Variants in KCNQ1 observed in about 807,000 individuals in gnomAD.
KCNQ1 encodes potassium voltage-gated channel subfamily KQT member 1.
KCNQ1 carries 49 observed loss-of-function variants against 72.4 expected under a neutral mutation model. That is an observed-to-expected ratio of 0.68 (90% CI 0.54 to 0.86). The LOEUF (loss-of-function observed/expected upper bound fraction) is 0.86. KCNQ1 is among the 40% of genes least tolerant of loss of function. The pLI, the probability that KCNQ1 is intolerant of heterozygous loss-of-function variation, is 0.00. For missense variants in KCNQ1, 790 were observed against 945.1 expected (o/e 0.84, Z 2.15); for synonymous variants, 450 against 412.6 (o/e 1.09, Z -1.10).
rs372593469 is a variant in KCNQ1, at chr11:2,662,088, G to A, written c.1514+7G>A. 2.5e-6 allele frequency: 4 copies of A among 1,614,062 alleles called. No individual in the cohort carries two copies. Among genetic ancestry groups the A allele is most frequent in the African/African-American group, 2.7e-5 (2 of 74,948 alleles). On this transcript the variant is annotated splice_region_variant and intron_variant, in intron 11 of 15. Transcript: ENST00000155840. ...CCATCACCCACATCTCACAGTGAGT[G>A]CCTACATGTGCGTGAAGGGCTGGGC... is the stretch of plus-strand genomic sequence containing the variant.
rs948282327 is a variant in KCNQ1, at chr11:2,563,399, C to T, written c.478-7229C>T. ...CTTTGCTAGACCCTTGCTGGCCCTC[C>T]GGCTTCGGGCAGGTCTCCTCTTTAT... is the stretch of plus-strand genomic sequence containing the variant. On this transcript the variant is annotated intron_variant, in intron 2 of 15. Coordinates refer to ENST00000155840, the MANE Select transcript of KCNQ1 (RefSeq NM_000218.3). The surrounding 1 kb of genome is among the most constrained non-coding windows in gnomAD (Gnocchi z 7.4). 7.9e-5 allele frequency among the ~76,000 whole-genome samples: 12 copies of T among 152,334 alleles called. No individual in the cohort carries two copies. The highest frequency in any genetic ancestry group is 4.6e-4 in the Admixed American group (7 of 15,304).
chr11:2,776,082 G>A (rs1182672682), intron 13 of KCNQ1, 28 bp downstream of exon 13: 1 of 1,528,298 alleles, frequency 6.5e-7, no homozygotes, highest in African/African-American at 1.4e-5. Flanking sequence ...GCAGCGGGGA[G>A]GGTGCCCAGG....
chr11:2,677,459 T>G lies in KCNQ1; in HGVS notation c.1514+15378T>G. 2.5e-6 allele frequency: 1 copy of G among 398,506 alleles called. No homozygotes were observed. Among genetic ancestry groups the G allele is most frequent in the Non-Finnish European group, 4.4e-6 (1 of 226,046 alleles). The allele number at this position is 398,506 out of a possible 1,614,324, so 24.7% of individuals were successfully genotyped here. ...ATAATTGATGCAGGTGGCCTCTTGG[T>G]CAAGCAGTGAAACCATGCCATACTT... On this transcript the variant is annotated intron_variant, in intron 11 of 15. Transcript: ENST00000155840. The surrounding 1 kb of genome is among the most constrained non-coding windows in gnomAD (Gnocchi z 4.5).
intron 10 of KCNQ1, among the ~76,000 whole-genome samples, chr11:2,594,037 A>C (rs1363406457): frequency 2.6e-5 from 4 of 152,154 alleles, no homozygotes; most frequent in African/African-American, 9.7e-5. Flanking sequence ...TTGATGCTGC[A>C]TACATTGAGA....
chr11:2,583,128 A>T (rs1226821132), intron 6 of KCNQ1, among the ~76,000 whole-genome samples: 1 of 151,954 alleles, frequency 6.6e-6, no homozygotes, highest in Non-Finnish European at 1.5e-5. Flanking sequence ...CAGGCAGATG[A>T]GGCAGCCGGT....
intron 11 of KCNQ1, among the ~76,000 whole-genome samples, chr11:2,718,531 C>G (rs556452881): frequency 2.0e-5 from 3 of 152,238 alleles, no homozygotes; most frequent in Non-Finnish European, 2.9e-5. Flanking sequence ...AAGGCTGACT[C>G]GTACATGTCA....
At chr11:2,790,315 C>T (rs1488537055) in intron 15 of KCNQ1, among the ~76,000 whole-genome samples, 1 of 152,234 alleles carries the variant, frequency 6.6e-6, no homozygotes, top group Non-Finnish European at 1.5e-5. Context: ...CTGCTCTGGA[C>T]AGCCCTGGCA....
rs1845716596 is a variant in KCNQ1, at chr11:2,723,962, T to C, written c.1515-44882T>C. 6.6e-6 allele frequency among the ~76,000 whole-genome samples: 1 copy of C among 152,074 alleles called. No individual in the cohort carries two copies. The highest frequency in any genetic ancestry group is 2.1e-4 in the South Asian group (1 of 4,820). On this transcript the variant is annotated intron_variant, in intron 11 of 15. Transcript: ENST00000155840. The surrounding 1 kb of genome is among the most constrained non-coding windows in gnomAD (Gnocchi z 4.2). ...TGTATCTGCCGTGGGCGTGGAGGCA[T>C]TTACTCTTTTCACCGGGGGAGCAGA...
chr11:2,743,736 C>T (rs944336600), intron 11 of KCNQ1, among the ~76,000 whole-genome samples: 3 of 152,366 alleles, frequency 2.0e-5, no homozygotes, highest in African/African-American at 7.2e-5. Flanking sequence ...CATCTAAGGC[C>T]CAACTGTGCT....
At chr11:2,798,388 T>C (rs1847182402) in intron 15 of KCNQ1, among the ~76,000 whole-genome samples, 2 of 152,200 alleles carry the variant, frequency 1.3e-5, no homozygotes, top group African/African-American at 4.8e-5. Context: ...CCCATGGTCA[T>C]CTGAGCCGTT....
Position 2,687,743 on chromosome 11 carries a change from G to A in KCNQ1, c.1514+25662G>A, listed in dbSNP as rs879055284. On this transcript the variant is annotated intron_variant, in intron 11 of 15. Coordinates refer to ENST00000155840, the MANE Select transcript of KCNQ1 (RefSeq NM_000218.3). This position sits in a 1 kb window ranked among gnomAD's most constrained non-coding sequence, Gnocchi z 5.0. ...CAAGCCAGTAACCAGCAAATCATGG[G>A]GAGACTGAGAAGAGGAGCCCCTTAG... The A allele has an allele frequency of 7.5e-6, 3 of 398,694 alleles. No individual in the cohort carries two copies. The Admixed American group carries it at 1.3e-4, about 18-fold the overall frequency. 24.7% of individuals were successfully genotyped at this position (398,694 alleles called of 1,614,324 possible).
rs1349099405 is a variant in KCNQ1, at chr11:2,519,135, G to A, written c.387-8793G>A. Among the ~76,000 whole-genome samples, 3 of 152,368 alleles carry A rather than the reference G, an allele frequency of 2.0e-5. No homozygotes were observed. The East Asian group carries it at 5.8e-4, about 29-fold the overall frequency. On this transcript the variant is annotated intron_variant, in intron 1 of 15. Transcript: ENST00000155840. ...GCAGCTGTTGCCGTTCTGGTGAGAAGTGGCGGTCCCTGAAGGGCTGGGGTG... is the reference window on the plus strand; with the variant it reads ...GCAGCTGTTGCCGTTCTGGTGAGAAATGGCGGTCCCTGAAGGGCTGGGGTG...
chr11:2,802,533 G>A (rs763180046), intron 15 of KCNQ1, among the ~76,000 whole-genome samples: 29 of 152,310 alleles, frequency 1.9e-4, no homozygotes, highest in Admixed American at 3.3e-4. Context: ...ATAAAGTTCT[G>A]CTCTCTGGGG....
At chr11:2,641,071 T>G (rs1161318718) in intron 10 of KCNQ1, 2 of 398,430 alleles carry the variant, frequency 5.0e-6, no homozygotes, top group Non-Finnish European at 8.8e-6. Context: ...TCCACTGATG[T>G]ACACTTAGGT....
intron 6 of KCNQ1, among the ~76,000 whole-genome samples, chr11:2,573,205 G>A (rs548782677): frequency 6.6e-6 from 1 of 152,280 alleles, no homozygotes; most frequent in East Asian, 1.9e-4. Flanking sequence ...AGTTCTGAAT[G>A]GTCTCATCCT....
chr11:2,828,178 C>T lies in KCNQ1; in HGVS notation c.1795-19589C>T, dbSNP rs1308835279. Among the ~76,000 whole-genome samples, 3 of 152,152 alleles carry T rather than the reference C, an allele frequency of 2.0e-5. No individual in the cohort carries two copies. Among genetic ancestry groups the T allele is most frequent in the Non-Finnish European group, 2.9e-5 (2 of 68,032 alleles). On this transcript the variant is annotated intron_variant, in intron 15 of 15. Transcript: ENST00000155840. The surrounding 1 kb of genome is among the most constrained non-coding windows in gnomAD (Gnocchi z 5.3). ...AACATGGCTCCTGGGAGCTGGAGGA[C>T]CTCAGCAGGCAGGGACTAGCACCCA... is the stretch of plus-strand genomic sequence containing the variant.
At position 2,663,155 on chromosome 11, in the gene KCNQ1, C is replaced by T. The variant is rs1850000837; in HGVS notation, c.1514+1074C>T. On this transcript the variant is annotated intron_variant, in intron 11 of 15. Transcript: ENST00000155840. This position sits in a 1 kb window ranked among gnomAD's most constrained non-coding sequence, Gnocchi z 5.2. ...AGACAGGACCTGCCCACTGTCTTTC[C>T]AGGCCCCCCCAGTTCACAGAGAGGT... is the stretch of plus-strand genomic sequence containing the variant. 2 of 398,708 alleles carry T rather than the reference C, an allele frequency of 5.0e-6. No individual in the cohort carries two copies. The highest frequency in any genetic ancestry group is 8.8e-6 in the Non-Finnish European group (2 of 226,150). 24.7% of individuals were successfully genotyped at this position (398,708 alleles called of 1,614,324 possible).
chr11:2,709,350 G>A (rs1850966584), intron 11 of KCNQ1, among the ~76,000 whole-genome samples: 1 of 150,104 alleles, frequency 6.7e-6, no homozygotes. Flanking sequence ...CAGACGCCAG[G>A]ACCTGCGGGG....
chr11:2,676,350 G>A lies in KCNQ1; in HGVS notation c.1514+14269G>A, dbSNP rs1217457951. 2 of 398,518 alleles carry A rather than the reference G, an allele frequency of 5.0e-6. No homozygotes were observed. Among genetic ancestry groups the A allele is most frequent in the Non-Finnish European group, 4.4e-6 (1 of 226,080 alleles). The allele number at this position is 398,518 out of a possible 1,614,324, so 24.7% of individuals were successfully genotyped here. A position where few individuals can be genotyped will look rare whatever the true frequency, so the allele number is the denominator to read the frequency against. On this transcript the variant is annotated intron_variant, in intron 11 of 15. Transcript: ENST00000155840. This position sits in a 1 kb window ranked among gnomAD's most constrained non-coding sequence, Gnocchi z 4.2. Reference sequence around the variant, plus strand: ...TGTAGTTGAAGTGCTGTTTTCTCATGGTTGGGCTTCCAGTATAATTGGAAG... The same window carrying A: ...TGTAGTTGAAGTGCTGTTTTCTCATAGTTGGGCTTCCAGTATAATTGGAAG...
Sources: gnomAD v4.1 joint callset for allele counts (sites outside exome capture counted in the v4.1 genomes callset) on GRCh38, gnomAD v4.1.1 for gene constraint, Gnocchi (gnomAD v3.1) non-coding constraint, MANE v1.5 for transcripts, NCBI Gene and HGNC (gene_info 2026-07-23, HGNC 2026-07-21) for gene names.